The following PICALM variants were observed in gnomAD, a reference collection of about 807,000 sequenced individuals.
The protein encoded by PICALM is phosphatidylinositol binding clathrin assembly protein, also known as phosphatidylinositol-binding clathrin assembly protein.
A neutral mutation model predicts 80.5 loss-of-function variants in PICALM; 40 were observed. The ratio of observed to expected loss-of-function variants is 0.50; its 90% confidence interval spans 0.39 to 0.65. The LOEUF is 0.65. PICALM is among the 30% of genes least tolerant of loss of function. PICALM has a pLI of 0.00. For synonymous variants in PICALM, 288 were observed against 260.3 expected, an observed-to-expected ratio of 1.11 and a Z score of -1.02; for missense variants, 676 against 778.9, an observed-to-expected ratio of 0.87 and a Z score of 1.57.
intron 12 of PICALM, among the ~76,000 whole-genome samples, chr11:85,994,973 G>T (rs2094914056): frequency 6.6e-6 from 1 of 151,990 alleles, no homozygotes; most frequent in Admixed American, 6.6e-5. Context: ...CAAAGTACTG[G>T]GATTACAGGT....
At chr11:86,044,614 A>G (rs1340153858) in intron 1 of PICALM, among the ~76,000 whole-genome samples, 2 of 152,240 alleles carry the variant, frequency 1.3e-5, no homozygotes, top group Non-Finnish European at 2.9e-5. Context: ...GCTAGTAAGC[A>G]TGTGAAGACC....
intron 17 of PICALM, 135 bp from the exon 18 acceptor site, chr11:85,976,817 A>C (rs2094297938): frequency 1.7e-6 from 1 of 593,110 alleles, no homozygotes; most frequent in Non-Finnish European, 3.1e-6. Context: ...TGTGATCATT[A>C]AGAACTGTCG....
intron 18 of PICALM, among the ~76,000 whole-genome samples, chr11:85,975,344 T>C (rs1232564057): frequency 6.6e-6 from 1 of 152,186 alleles, no homozygotes. Flanking sequence ...GTTAACTCTT[T>C]CTTGAGTAAC....
Position 85,962,872 on chromosome 11 carries a change from C to T in PICALM, c.1945-3812G>A, listed in dbSNP as rs915541214. ...GGACATACAGCAGCCCCTGACCATC[C>T]TACCCCTTCCTGGCATCTATTCCAA... is the stretch of plus-strand genomic sequence containing the variant. On this transcript the variant is annotated intron_variant, in intron 19 of 19. Transcript: ENST00000393346. Among the ~76,000 whole-genome samples, 13 of 152,178 alleles carry T rather than the reference C, an allele frequency of 8.5e-5. No homozygotes were observed. The East Asian group carries it at 1.7e-3, about 20-fold the overall frequency.
intron 5 of PICALM, among the ~76,000 whole-genome samples, chr11:86,013,770 G>A (rs983106431): frequency 6.6e-6 from 1 of 152,074 alleles, no homozygotes; most frequent in African/African-American, 2.4e-5. Flanking sequence ...CTAGAGCAGG[G>A]GTCAGCAAAC....
chr11:86,023,655 T>C lies in PICALM; in HGVS notation c.350-1186A>G, dbSNP rs943721457. ...GACACAAAAAACCTACTTGGATATA[T>C]GCATAAACTCTGCCTAGAGCACTGC... is the stretch of plus-strand genomic sequence containing the variant. On this transcript the variant is annotated intron_variant, in intron 3 of 19. Transcript: ENST00000393346. 14 of 706,694 alleles carry C rather than the reference T, an allele frequency of 2.0e-5. No individual in the cohort carries two copies. In the African/African-American group the frequency reaches 2.5e-4, roughly 13 times the overall value. 43.8% of individuals were successfully genotyped at this position (706,694 alleles called of 1,614,324 possible). A position where few individuals can be genotyped will look rare whatever the true frequency, so the allele number is the denominator to read the frequency against.
rs59672357 is a variant in PICALM at position 85,982,423 on chromosome 11, C to CTTTTTTTTTTTTTTTTTTTTTTT, written c.1517-421_1517-420insAAAAAAAAAAAAAAAAAAAAAAA. Among the ~76,000 whole-genome samples the CTTTTTTTTTTTTTTTTTTTTTTT allele has an allele frequency of 7.1e-5, 5 of 70,170 alleles. 1 individual carries two copies. Among genetic ancestry groups the CTTTTTTTTTTTTTTTTTTTTTTT allele is most frequent in the African/African-American group, 1.9e-4 (3 of 15,468 alleles). The allele number at this position is 70,170 out of a possible 152,430, so 46.0% of individuals were successfully genotyped here. ...ACGTTAAGAAATAAGATTTTATAGACTTTTTTTTTTTTTTTGAGACGGAGT... is the reference window on the plus strand; with the variant it reads ...ACGTTAAGAAATAAGATTTTATAGACTTTTTTTTTTTTTTTTTTTTTTTTTTTTTTTTTTTTTTGAGACGGAGT... On this transcript the variant is annotated intron_variant, in intron 14 of 19. Coordinates refer to ENST00000393346, the MANE Select transcript of PICALM (RefSeq NM_007166.4).
intron 19 of PICALM, among the ~76,000 whole-genome samples, chr11:85,967,999 G>A (rs1156641177): frequency 1.3e-5 from 2 of 152,068 alleles, no homozygotes; most frequent in African/African-American, 4.8e-5. Context: ...AACAAAACTG[G>A]CAGTCCTCCT....
intron 2 of PICALM, among the ~76,000 whole-genome samples, chr11:86,030,466 C>G (rs564103801): frequency 6.6e-6 from 1 of 152,306 alleles, no homozygotes; most frequent in South Asian, 2.1e-4. Flanking sequence ...AGGTTATCTT[C>G]CCGGGCTGCA....
At chr11:86,062,830 A>G (rs2137749746) in intron 1 of PICALM, among the ~76,000 whole-genome samples, 1 of 152,354 alleles carries the variant, frequency 6.6e-6, no homozygotes, top group East Asian at 1.9e-4. Context: ...TTCTCTAGAG[A>G]AACGTATAAA....
At chr11:85,981,623 G>C in intron 16 of PICALM, 122 bp downstream of exon 16, 1 of 638,620 alleles carries the variant, frequency 1.6e-6, no homozygotes, top group South Asian at 2.0e-5. Context: ...AAAAAAAAAA[G>C]ATGCAGACTT....
chr11:85,958,621 T>G lies in PICALM; in HGVS notation c.*425A>C, dbSNP rs555444044. 1 of 231,746 alleles carries G rather than the reference T, an allele frequency of 4.3e-6. No individual in the cohort carries two copies. Among genetic ancestry groups the G allele is most frequent in the South Asian group, 1.8e-4 (1 of 5,492 alleles). 14.4% of individuals were successfully genotyped at this position (231,746 alleles called of 1,614,324 possible). A position where few individuals can be genotyped will look rare whatever the true frequency, so the allele number is the denominator to read the frequency against. ...GACTGGAGAAAAGAAAGATAATGCA[T>G]AATTAGGAATTTTAATTTTGATCCC... On this transcript the variant is annotated 3_prime_UTR_variant, in exon 20 of 20. Transcript: ENST00000393346.
intron 7 of PICALM, among the ~76,000 whole-genome samples, chr11:86,009,639 C>A (rs1475805720): frequency 6.6e-6 from 1 of 151,248 alleles, no homozygotes; most frequent in Non-Finnish European, 1.5e-5. Flanking sequence ...TTGCAGTGAG[C>A]CAAGATTGCG....
intron 1 of PICALM, among the ~76,000 whole-genome samples, chr11:86,066,799 G>A (rs10501608): frequency 0.15 from 22,411 of 150,662 alleles, 2,133 homozygotes; most frequent in East Asian, 0.47. Context: ...AATTAACACA[G>A]TGTCAGGACA....
intron 13 of PICALM, among the ~76,000 whole-genome samples, chr11:85,986,395 T>C (rs2094573436): frequency 1.5e-5 from 1 of 66,144 alleles, no homozygotes; most frequent in Admixed American, 1.6e-4. Flanking sequence ...TTTTTTTTTT[T>C]TTTTTTGAGA....
At chr11:86,029,536 C>T (rs1051108266) in intron 2 of PICALM, among the ~76,000 whole-genome samples, 6 of 152,232 alleles carry the variant, frequency 3.9e-5, no homozygotes, top group Non-Finnish European at 8.8e-5. Context: ...CTCCCCTTGT[C>T]AGTCAATCTA....
At chr11:86,047,375 T>C (rs1179050627) in intron 1 of PICALM, among the ~76,000 whole-genome samples, 2 of 152,258 alleles carry the variant, frequency 1.3e-5, no homozygotes, top group African/African-American at 4.8e-5. Flanking sequence ...GTTGACAGAC[T>C]ATGAGGAAAG....
intron 19 of PICALM, among the ~76,000 whole-genome samples, chr11:85,973,416 A>C (rs564138673): frequency 5.5e-4 from 83 of 152,228 alleles, no homozygotes; most frequent in Non-Finnish European, 9.1e-4. Context: ...AGATAGTTCA[A>C]GAGAAAGACA....
chr11:86,062,462 T>C lies in PICALM; in HGVS notation c.130+6189A>G, dbSNP rs143312050. On this transcript the variant is annotated intron_variant, in intron 1 of 19. Transcript: ENST00000393346. ...GAACCCAGGAGGCAAAGGTTGCAGT[T>C]AGCTGAGATCGCACCACTGCACTCC... 3.1e-3 allele frequency among the ~76,000 whole-genome samples: 471 copies of C among 150,988 alleles called. 4 individuals are homozygous for C. Among genetic ancestry groups the C allele is most frequent in the South Asian group, 0.01 (50 of 4,788 alleles).
Sources: gnomAD v4.1 joint callset for allele counts (sites outside exome capture counted in the v4.1 genomes callset) on GRCh38, gnomAD v4.1.1 for gene constraint, MANE v1.5 for transcripts, NCBI Gene and HGNC (gene_info 2026-07-23, HGNC 2026-07-21) for gene names.